GRID2: variants seen among roughly 807,000 people sequenced by gnomAD.
The protein encoded by GRID2 is glutamate ionotropic receptor delta type subunit 2, also known as glutamate receptor ionotropic, delta-2.
In GRID2, 33 loss-of-function variants were observed where a neutral mutation model predicts 114.8. The observed-to-expected ratio is 0.29, with a 90% CI of 0.22 to 0.38. The LOEUF (loss-of-function observed/expected upper bound fraction) is 0.38, where lower values mean the gene tolerates loss of function less well. Among genes scored for constraint, GRID2 ranks in the 10% least tolerant of loss-of-function variants. The probability of loss-of-function intolerance (pLI) is 1.00; values close to 1 mark genes in which losing one functional copy is unlikely to be tolerated. For synonymous variants in GRID2, 505 were observed against 449.9 expected (o/e 1.12, Z -1.55); for missense variants, 1,184 against 1,257.7 (o/e 0.94, Z 0.89).
intron 5 of GRID2, among the ~76,000 whole-genome samples, chr4:93,208,291 C>A (rs1226969961): frequency 6.6e-6 from 1 of 151,890 alleles, no homozygotes; most frequent in Non-Finnish European, 1.5e-5. Flanking sequence ...TAGGTTTGAT[C>A]CTGGCTATAA....
intron 2 of GRID2, among the ~76,000 whole-genome samples, chr4:92,655,665 T>C (rs1408671861): frequency 3.3e-5 from 5 of 151,818 alleles, no homozygotes; most frequent in Admixed American, 3.3e-4. Flanking sequence ...TCTTGATTTT[T>C]TTTCATCTAC....
chr4:92,478,258 T>C (rs772199423), intron 1 of GRID2, among the ~76,000 whole-genome samples: 5 of 152,138 alleles, frequency 3.3e-5, no homozygotes, highest in Non-Finnish European at 7.4e-5. Flanking sequence ...TACTTTAAAG[T>C]ATAGCACCAT....
In GRID2 at chr4:93,142,355, G is replaced by A. The variant is rs1735852735; in HGVS notation, c.735+31402G>A. 2.6e-5 allele frequency among the ~76,000 whole-genome samples: 4 copies of A among 152,124 alleles called. 1 individual carries two copies. Among genetic ancestry groups the A allele is most frequent in the Admixed American group, 2.6e-4 (4 of 15,264 alleles). On this transcript the variant is annotated intron_variant, in intron 4 of 15. Transcript: ENST00000282020. ...TATTTCTCTCATTTATGGATGCTAG[G>A]AGGTCCAAGATCAAGGTGCTGGAAG...
At chr4:92,699,725 T>C (rs1367280999) in intron 2 of GRID2, among the ~76,000 whole-genome samples, 3 of 152,206 alleles carry the variant, frequency 2.0e-5, no homozygotes, top group Non-Finnish European at 2.9e-5. Context: ...CTCATCTTTA[T>C]ATATGTTTTA....
At chr4:92,365,266 T>C (rs1159677947) in intron 1 of GRID2, among the ~76,000 whole-genome samples, 1 of 152,094 alleles carries the variant, frequency 6.6e-6, no homozygotes, top group Non-Finnish European at 1.5e-5. Flanking sequence ...AAAGAAAATA[T>C]GGTACATATA....
intron 1 of GRID2, among the ~76,000 whole-genome samples, chr4:92,341,775 C>A (rs1397858923): frequency 1.1e-4 from 16 of 151,982 alleles, no homozygotes; most frequent in Non-Finnish European, 2.1e-4. Context: ...ATTAGCCAGG[C>A]GTGGTGGCGG....
chr4:92,801,625 C>T (rs1381581358), intron 2 of GRID2, among the ~76,000 whole-genome samples: 2 of 151,800 alleles, frequency 1.3e-5, no homozygotes, highest in East Asian at 1.9e-4. Context: ...GTCATCTTTA[C>T]ATGCGAATAC....
At chr4:93,464,501 T>C (rs1346626637) in intron 11 of GRID2, among the ~76,000 whole-genome samples, 3 of 152,096 alleles carry the variant, frequency 2.0e-5, no homozygotes, top group African/African-American at 7.2e-5. Flanking sequence ...TTTAAAAAAA[T>C]TGTTGGTCAT....
chr4:93,003,761 A>G (rs1234872594), intron 2 of GRID2, among the ~76,000 whole-genome samples: 2 of 152,048 alleles, frequency 1.3e-5, no homozygotes, highest in East Asian at 3.9e-4. Context: ...AATATGACTT[A>G]GTATGTGGTG....
chr4:93,009,316 G>A (rs918482575), intron 2 of GRID2, among the ~76,000 whole-genome samples: 5 of 152,184 alleles, frequency 3.3e-5, no homozygotes, highest in African/African-American at 9.6e-5. Context: ...CTGAACATAA[G>A]CTGGAGACAA....
chr4:92,561,536 G>A (rs1208109458), intron 1 of GRID2, among the ~76,000 whole-genome samples: 7 of 152,112 alleles, frequency 4.6e-5, no homozygotes, highest in African/African-American at 1.7e-4. Context: ...GCAGTTTAGT[G>A]TGTTTTCTTC....
chr4:93,324,859 A>G (rs1041442808), intron 8 of GRID2, among the ~76,000 whole-genome samples: 1 of 152,064 alleles, frequency 6.6e-6, no homozygotes, highest in African/African-American at 2.4e-5. Context: ...GGTAGTTTGT[A>G]TGTCTGTGGG....
intron 1 of GRID2, among the ~76,000 whole-genome samples, chr4:92,524,285 C>T (rs1406054278): frequency 6.6e-6 from 1 of 151,778 alleles, no homozygotes; most frequent in Non-Finnish European, 1.5e-5. Context: ...AATGTAATGA[C>T]TTTAACAAAC....
chr4:92,990,175 A>G (rs1754778453), intron 2 of GRID2, among the ~76,000 whole-genome samples: 2 of 149,338 alleles, frequency 1.3e-5, no homozygotes, highest in African/African-American at 2.5e-5. Context: ...TCCAAAATAG[A>G]GTGGCATTCA....
intron 8 of GRID2, among the ~76,000 whole-genome samples, chr4:93,379,346 A>G (rs2149305512): frequency 6.6e-6 from 1 of 152,194 alleles, no homozygotes; most frequent in African/African-American, 2.4e-5. Flanking sequence ...ATATTTGAGG[A>G]GGGTTGCACT....
intron 2 of GRID2, among the ~76,000 whole-genome samples, chr4:93,039,939 C>A (rs1277037268): frequency 6.6e-6 from 1 of 152,156 alleles, no homozygotes; most frequent in Non-Finnish European, 1.5e-5. Context: ...TAACTCAAAT[C>A]TCCTTTGTAT....
chr4:93,793,739 T>A (rs1485780001), intron 1 of GRID2, among the ~76,000 whole-genome samples: 2 of 152,218 alleles, frequency 1.3e-5, no homozygotes. Flanking sequence ...AGAATTTTCC[T>A]GTGTACAATG....
At chr4:93,782,703 T>C (rs1227937982) in intron 1 of GRID2, among the ~76,000 whole-genome samples, 1 of 152,156 alleles carries the variant, frequency 6.6e-6, no homozygotes, top group Admixed American at 6.5e-5. Flanking sequence ...TTTTCAGAGG[T>C]CAAAGCTGAT....
intron 2 of GRID2, among the ~76,000 whole-genome samples, chr4:92,655,089 A>C (rs1732161106): frequency 6.6e-6 from 1 of 152,010 alleles, no homozygotes; most frequent in South Asian, 2.1e-4. Flanking sequence ...ATAGGGGTCC[A>C]GTCTCATTCT....
Sources: allele counts gnomAD v4.1 joint callset (sites outside exome capture counted in the v4.1 genomes callset), GRCh38; gene constraint gnomAD v4.1.1; transcripts MANE v1.5; gene names NCBI Gene and HGNC (gene_info 2026-07-23, HGNC 2026-07-21).